Variants in NSG2 observed in about 807,000 individuals in gnomAD.
NSG2 encodes neuronal vesicle trafficking-associated protein 2.
Under a neutral mutation model 16.9 loss-of-function variants are expected in NSG2, and 4 were observed. The observed-to-expected ratio is 0.24, with a 90% CI of 0.12 to 0.54. The LOEUF (loss-of-function observed/expected upper bound fraction) is 0.54. Among genes scored for constraint, NSG2 ranks in the 20% least tolerant of loss-of-function variants. The probability of loss-of-function intolerance (pLI) is 0.95; values close to 1 mark genes in which losing one functional copy is unlikely to be tolerated. For missense variants in NSG2, 179 were observed against 221.1 expected (o/e 0.81, Z 1.21); for synonymous variants, 98 against 88.7 (o/e 1.11, Z -0.59).
intron 1 of NSG2, 137 bp from the exon 2 acceptor site, chr5:174,046,597 G>C (rs1241053656): frequency 1.5e-6 from 1 of 670,968 alleles, no homozygotes; most frequent in Non-Finnish European, 2.5e-6. Flanking sequence ...TGGAAATCTA[G>C]TGGAAGATCA....
intron 3 of NSG2, among the ~76,000 whole-genome samples, chr5:174,087,126 G>C (rs938772733): frequency 1.3e-5 from 2 of 152,106 alleles, no homozygotes; most frequent in African/African-American, 4.8e-5. Context: ...CTTTCAAAAG[G>C]CAATTTACTT....
intron 3 of NSG2, among the ~76,000 whole-genome samples, chr5:174,080,512 C>CTCTCTCTCTCTCTCTCTCT (rs1561668573): frequency 5.3e-5 from 5 of 93,566 alleles, no homozygotes; most frequent in South Asian, 3.6e-4. Context: ...TCTTTCTTTC[C>CTCTCTCTCTCTCTCTCTCT]CTCTTTCTTT....
intron 4 of NSG2, among the ~76,000 whole-genome samples, chr5:174,104,586 C>T (rs760721928): frequency 6.6e-6 from 1 of 152,174 alleles, no homozygotes; most frequent in Non-Finnish European, 1.5e-5. Flanking sequence ...GACGGCACAT[C>T]AGCAATGAGG....
chr5:174,103,075 C>T (rs1380011525), intron 3 of NSG2, among the ~76,000 whole-genome samples: 13 of 151,684 alleles, frequency 8.6e-5, no homozygotes, highest in African/African-American at 3.2e-4. Flanking sequence ...AGGTGTGAGC[C>T]ACTGCACCTG....
intron 3 of NSG2, among the ~76,000 whole-genome samples, chr5:174,070,310 T>C (rs1760216456): frequency 6.6e-6 from 1 of 152,208 alleles, no homozygotes. Flanking sequence ...TAGGTACTTT[T>C]ATTATCCCCA....
intron 2 of NSG2, among the ~76,000 whole-genome samples, chr5:174,063,813 A>G (rs980408235): frequency 6.6e-6 from 1 of 152,196 alleles, no homozygotes; most frequent in Middle Eastern, 3.2e-3. Context: ...GTTGCAGTAC[A>G]CACATGCAGT....
chr5:174,107,527 G>A lies in NSG2; in HGVS notation c.*22G>A. On this transcript the variant is annotated 3_prime_UTR_variant, in exon 5 of 5. Transcript: ENST00000303177. This position sits in a 1 kb window ranked among gnomAD's most constrained non-coding sequence, Gnocchi z 4.5. Reference sequence around the variant, plus strand: ...CTAGAGGCCTGCCCCAGCCAGAATGGGGGGCGGGGTGGAGAGGAGGACCCC... The same window carrying A: ...CTAGAGGCCTGCCCCAGCCAGAATGAGGGGCGGGGTGGAGAGGAGGACCCC... 4.4e-6 allele frequency: 7 copies of A among 1,596,164 alleles called. No individual in the cohort carries two copies. Among genetic ancestry groups the A allele is most frequent in the Non-Finnish European group, 6.0e-6 (7 of 1,168,488 alleles).
chr5:174,075,062 GAAAGT>G (rs1480891615), intron 3 of NSG2, among the ~76,000 whole-genome samples: 2 of 152,024 alleles, frequency 1.3e-5, no homozygotes, highest in African/African-American at 4.8e-5. Context: ...GGAAGATACA[GAAAGT>G]AAAACAACAT....
At chr5:174,091,146 C>T (rs549383038) in intron 3 of NSG2, 1 of 151,480 alleles carries the variant, frequency 6.6e-6, no homozygotes, top group Admixed American at 6.6e-5. Context: ...CTCATGTCTC[C>T]ATGGAGATGG....
rs143165557 is a variant in NSG2, at chr5:174,046,346, A to G, written c.-22-388A>G. Reference sequence around the variant, plus strand: ...AGAGTGGTGAGGTGAAATTTATCATACTGCAGGCGGGGGGGGTGGTATAAT... The same window carrying G: ...AGAGTGGTGAGGTGAAATTTATCATGCTGCAGGCGGGGGGGGTGGTATAAT... On this transcript the variant is annotated intron_variant, in intron 1 of 4. Transcript: ENST00000303177. 1.8e-3 allele frequency among the ~76,000 whole-genome samples: 267 copies of G among 144,948 alleles called. 1 individual carries two copies. The highest frequency in any genetic ancestry group is 6.9e-3 in the African/African-American group (253 of 36,578).
At chr5:174,106,244 T>C (rs1232060225) in intron 4 of NSG2, among the ~76,000 whole-genome samples, 2 of 152,202 alleles carry the variant, frequency 1.3e-5, no homozygotes, top group Non-Finnish European at 2.9e-5. Flanking sequence ...ATATTTGTCC[T>C]TGAAATATGT....
In NSG2 at chr5:174,072,351, A is replaced by G. The variant is rs1365806125; in HGVS notation, c.213+8036A>G. Among the ~76,000 whole-genome samples, 1 of 152,170 alleles carries G rather than the reference A, an allele frequency of 6.6e-6. No homozygotes were observed. Reference sequence around the variant, plus strand: ...TGGCCCTTCCCTCATGATCCTGTCCATTGGATGTCTCCCTGCCTTTGTCTG... The same window carrying G: ...TGGCCCTTCCCTCATGATCCTGTCCGTTGGATGTCTCCCTGCCTTTGTCTG... On this transcript the variant is annotated intron_variant, in intron 3 of 4. Coordinates refer to ENST00000303177, the MANE Select transcript of NSG2 (RefSeq NM_015980.5). The surrounding 1 kb of genome is among the most constrained non-coding windows in gnomAD (Gnocchi z 4.0).
chr5:174,075,750 T>TA (rs1320858634), intron 3 of NSG2, among the ~76,000 whole-genome samples: 2 of 152,222 alleles, frequency 1.3e-5, no homozygotes, highest in African/African-American at 2.4e-5. Context: ...ATGTGATTCT[T>TA]AAAAAATTGA....
chr5:174,084,021 A>G (rs1364383553), intron 3 of NSG2: 3 of 152,104 alleles, frequency 2.0e-5, no homozygotes, highest in South Asian at 2.1e-4. Context: ...CCCATTTCCT[A>G]TCATTGGTCA....
At chr5:174,076,036 T>C (rs1760335718) in intron 3 of NSG2, among the ~76,000 whole-genome samples, 1 of 152,208 alleles carries the variant, frequency 6.6e-6, no homozygotes, top group Non-Finnish European at 1.5e-5. Flanking sequence ...AGTTTTACTT[T>C]GCAATCTGAC....
chr5:174,103,120 T>C (rs948714089), intron 3 of NSG2, among the ~76,000 whole-genome samples: 8 of 151,790 alleles, frequency 5.3e-5, no homozygotes, highest in African/African-American at 1.9e-4. Flanking sequence ...CAAAGCTCTC[T>C]CTGGTTGCTG....
intron 3 of NSG2, among the ~76,000 whole-genome samples, chr5:174,098,567 C>T (rs1315104821): frequency 6.6e-6 from 1 of 152,156 alleles, no homozygotes; most frequent in African/African-American, 2.4e-5. Context: ...TGCCTGGAGC[C>T]CAGTCCCCTC....
At chr5:174,095,894 C>T (rs2113470527) in intron 3 of NSG2, among the ~76,000 whole-genome samples, 1 of 152,346 alleles carries the variant, frequency 6.6e-6, no homozygotes, top group African/African-American at 2.4e-5. Flanking sequence ...ACTGTAGGTG[C>T]TCAGTTAATA....
chr5:174,089,605 G>T (rs1386054381), intron 3 of NSG2, among the ~76,000 whole-genome samples: 4 of 152,094 alleles, frequency 2.6e-5, no homozygotes, highest in African/African-American at 9.7e-5. Flanking sequence ...AAGAAGGAAA[G>T]GAAGAGTTTG....
Sources: gnomAD v4.1 joint callset for allele counts (sites outside exome capture counted in the v4.1 genomes callset) on GRCh38, gnomAD v4.1.1 for gene constraint, Gnocchi (gnomAD v3.1) non-coding constraint, MANE v1.5 for transcripts, NCBI Gene and HGNC (gene_info 2026-07-23, HGNC 2026-07-21) for gene names.